LRP1B: variants seen among roughly 807,000 people sequenced by gnomAD.
The protein encoded by LRP1B is LDL receptor related protein 1B.
LRP1B carries 217 observed loss-of-function variants against 556.6 expected under a neutral mutation model. The ratio of observed to expected loss-of-function variants is 0.39; its 90% CI spans 0.35 to 0.44. The LOEUF (loss-of-function observed/expected upper bound fraction) is 0.44. Ranked by LOEUF, LRP1B falls within the 20% of genes least tolerant of loss-of-function variation. The pLI, the probability that LRP1B is intolerant of heterozygous loss-of-function variation, is 1.00. For synonymous variants in LRP1B, 2,047 were observed against 1,865.8 expected (o/e 1.10, Z -2.50); for missense variants, 5,053 against 5,620.8 (o/e 0.90, Z 3.23).
chr2:141,514,099 C>T (rs1675949054), intron 2 of LRP1B, among the ~76,000 whole-genome samples: 1 of 152,112 alleles, frequency 6.6e-6, no homozygotes, highest in Non-Finnish European at 1.5e-5. Flanking sequence ...CTGGTGACAA[C>T]CTTACCTATG....
chr2:140,319,040 G>A (rs889268698), intron 82 of LRP1B, among the ~76,000 whole-genome samples: 1 of 152,090 alleles, frequency 6.6e-6, no homozygotes, highest in Non-Finnish European at 1.5e-5. Flanking sequence ...AGTTATTTAA[G>A]TGGTAGACTT....
chr2:140,456,989 G>T (rs1050761206), intron 61 of LRP1B, among the ~76,000 whole-genome samples: 1 of 152,072 alleles, frequency 6.6e-6, no homozygotes, highest in Non-Finnish European at 1.5e-5. Flanking sequence ...TGCTTTATAG[G>T]CCGGATAGGT....
rs371445915 is a variant in LRP1B at position 141,477,759 on chromosome 2, G to T, written c.343+2637C>A. Among the ~76,000 whole-genome samples the T allele has an allele frequency of 8.5e-5, 13 of 152,132 alleles. No individual in the cohort carries two copies. In the East Asian group the frequency reaches 2.5e-3, roughly 29 times the overall value. On this transcript the variant is annotated intron_variant, in intron 3 of 90. Transcript: ENST00000389484. ...CTTACGATGCTATGTAGTGTGCAAGGCCAGAAAAGAAGGTGAAAAACCCTC... is the reference window on the plus strand; with the variant it reads ...CTTACGATGCTATGTAGTGTGCAAGTCCAGAAAAGAAGGTGAAAAACCCTC...
chr2:140,822,002 A>G (rs1364539030), intron 31 of LRP1B, among the ~76,000 whole-genome samples: 1 of 152,166 alleles, frequency 6.6e-6, no homozygotes, highest in Non-Finnish European at 1.5e-5. Context: ...CCGTCTCAAA[A>G]AAAAAAGAAA....
At chr2:140,546,276 T>C (rs901697442) in intron 43 of LRP1B, among the ~76,000 whole-genome samples, 19 of 152,234 alleles carry the variant, frequency 1.2e-4, no homozygotes, top group African/African-American at 4.3e-4. Context: ...CCTTCTTTCT[T>C]TCTCTTGCCT....
At chr2:141,645,982 A>C (rs1360254364) in intron 2 of LRP1B, among the ~76,000 whole-genome samples, 5 of 152,056 alleles carry the variant, frequency 3.3e-5, no homozygotes, top group Admixed American at 1.3e-4. Flanking sequence ...AAGAGACGCA[A>C]CCCCACAGGA....
chr2:141,357,033 A>ATTTTATTTTAT lies in LRP1B; in HGVS notation c.344-102403_344-102393dup, dbSNP rs1300119754. ...ATGTGTTCACTTTTTAAATTTTTTT[A>ATTTTATTTTAT]TTTTATTTTATTTTTATTTTATTTT... On this transcript the variant is annotated intron_variant, in intron 3 of 90. Transcript: ENST00000389484. Among the ~76,000 whole-genome samples, 7 of 149,040 alleles carry ATTTTATTTTAT rather than the reference A, an allele frequency of 4.7e-5. No individual in the cohort carries two copies. The East Asian group carries it at 1.4e-3, about 29-fold the overall frequency.
intron 66 of LRP1B, among the ~76,000 whole-genome samples, chr2:140,415,021 C>G (rs4954833): frequency 5.9e-5 from 9 of 151,950 alleles, no homozygotes; most frequent in South Asian, 2.1e-4. Flanking sequence ...AGTCTATAAA[C>G]GGCTGCTCTG....
At chr2:140,992,366 AGAG>A (rs1211402973) in intron 16 of LRP1B, among the ~76,000 whole-genome samples, 10 of 152,230 alleles carry the variant, frequency 6.6e-5, no homozygotes. Flanking sequence ...TTCTACCCAT[AGAG>A]GAGGTCAGTT....
chr2:141,928,857 A>G (rs1027947652), intron 1 of LRP1B, among the ~76,000 whole-genome samples: 9 of 152,090 alleles, frequency 5.9e-5, no homozygotes, highest in Non-Finnish European at 1.2e-4. Flanking sequence ...GAGCAAAAAC[A>G]TGTAAGTCAG....
At chr2:142,009,366 C>T (rs1361811864) in intron 1 of LRP1B, among the ~76,000 whole-genome samples, 1 of 152,032 alleles carries the variant, frequency 6.6e-6, no homozygotes, top group Non-Finnish European at 1.5e-5. Flanking sequence ...CTTTTTCACC[C>T]TCTCCTCATG....
intron 43 of LRP1B, among the ~76,000 whole-genome samples, chr2:140,542,531 T>TA (rs1385428866): frequency 1.3e-5 from 2 of 152,134 alleles, no homozygotes; most frequent in Admixed American, 6.6e-5. Context: ...TCTTTTCATC[T>TA]AAAACAACTA....
chr2:141,899,129 A>G (rs534595293), intron 1 of LRP1B, among the ~76,000 whole-genome samples: 13 of 152,130 alleles, frequency 8.5e-5, no homozygotes, highest in Non-Finnish European at 5.9e-5. Flanking sequence ...TAATGCTATT[A>G]TATGTGAGGG....
intron 1 of LRP1B, among the ~76,000 whole-genome samples, chr2:142,071,757 A>G (rs1705319221): frequency 6.6e-6 from 1 of 151,912 alleles, no homozygotes; most frequent in African/African-American, 2.4e-5. Flanking sequence ...TTCTTTCTCT[A>G]CATGATCAGA....
chr2:141,986,726 A>G (rs1702197086), intron 1 of LRP1B, among the ~76,000 whole-genome samples: 1 of 151,960 alleles, frequency 6.6e-6, no homozygotes, highest in Admixed American at 6.6e-5. Context: ...GAAGATGTAA[A>G]TAGGAATGGA....
intron 66 of LRP1B, among the ~76,000 whole-genome samples, chr2:140,393,027 T>C (rs1171653832): frequency 1.3e-5 from 2 of 151,914 alleles, no homozygotes; most frequent in African/African-American, 4.8e-5. Flanking sequence ...CCTCCTGGAC[T>C]CAAGTGATCC....
chr2:141,138,851 T>C (rs1316324246), intron 7 of LRP1B, among the ~76,000 whole-genome samples: 3 of 151,810 alleles, frequency 2.0e-5, no homozygotes, highest in Admixed American at 2.0e-4. Flanking sequence ...TCTGTAAATA[T>C]TGGGAAAATG....
chr2:140,466,839 G>A (rs1441084570), intron 60 of LRP1B, among the ~76,000 whole-genome samples: 1 of 152,120 alleles, frequency 6.6e-6, no homozygotes, highest in African/African-American at 2.4e-5. Context: ...TGTTCACACA[G>A]TATTTTCAGC....
chr2:141,368,122 T>C (rs1689109286), intron 3 of LRP1B, among the ~76,000 whole-genome samples: 1 of 152,208 alleles, frequency 6.6e-6, no homozygotes. Context: ...TGGTAAAATG[T>C]AAGATTAAGA....
Sources: allele counts gnomAD v4.1 joint callset (sites outside exome capture counted in the v4.1 genomes callset), GRCh38; gene constraint gnomAD v4.1.1; transcripts MANE v1.5; gene names NCBI Gene and HGNC (gene_info 2026-07-23, HGNC 2026-07-21).